EPHB2: variants seen among roughly 807,000 people sequenced by gnomAD.
EPHB2 encodes EPH receptor B2.
Under a neutral mutation model 96.4 loss-of-function variants are expected in EPHB2, and 18 were observed. The observed-to-expected ratio is 0.19, with a 90% CI of 0.13 to 0.28. The LOEUF (loss-of-function observed/expected upper bound fraction) is 0.28, where lower values mean the gene tolerates loss of function less well. Ranked by LOEUF, EPHB2 falls within the 10% of genes least tolerant of loss-of-function variation. The probability of loss-of-function intolerance (pLI) is 1.00; values close to 1 mark genes in which losing one functional copy is unlikely to be tolerated. For missense variants in EPHB2, 989 were observed against 1,355.4 expected, an observed-to-expected ratio of 0.73 and a Z score of 4.25; for synonymous variants, 506 against 534.1, an observed-to-expected ratio of 0.95 and a Z score of 0.72.
At chr1:22,737,765 CT>C (rs1643862678) in intron 1 of EPHB2, among the ~76,000 whole-genome samples, 1 of 152,164 alleles carries the variant, frequency 6.6e-6, no homozygotes, top group Admixed American at 6.5e-5. Context: ...CCAACAGGCT[CT>C]TGGGTTGATG....
chr1:22,774,459 T>G, intron 1 of EPHB2: 4 of 562,038 alleles, frequency 7.1e-6, no homozygotes, highest in Non-Finnish European at 9.0e-6. Flanking sequence ...GAAGGAGGCT[T>G]TGAGCTCAGT....
At chr1:22,783,649 G>A (rs745328302) in intron 2 of EPHB2, among the ~76,000 whole-genome samples, 2 of 152,176 alleles carry the variant, frequency 1.3e-5, no homozygotes, top group Non-Finnish European at 2.9e-5. Context: ...GAGATAACCC[G>A]GGCCCTAGGC....
chr1:22,824,340 C>T (rs1008031499), intron 3 of EPHB2, among the ~76,000 whole-genome samples: 4 of 152,126 alleles, frequency 2.6e-5, no homozygotes, highest in African/African-American at 9.6e-5. Context: ...AGAAGAAAGG[C>T]CTCCATCCAA....
chr1:22,913,983 C>A lies in EPHB2; in HGVS notation c.*413C>A, dbSNP rs1640198483. The A allele has an allele frequency of 1.4e-6, 2 of 1,389,196 alleles. No individual in the cohort carries two copies. The highest frequency in any genetic ancestry group is 1.9e-6 in the Non-Finnish European group (2 of 1,044,566). 86.1% of individuals were successfully genotyped at this position (1,389,196 alleles called of 1,614,324 possible). On this transcript the variant is annotated 3_prime_UTR_variant, in exon 16 of 16. Coordinates refer to ENST00000374630, the MANE Select transcript of EPHB2 (RefSeq NM_017449.5). This position sits in a 1 kb window ranked among gnomAD's most constrained non-coding sequence, Gnocchi z 4.1. ...GAGCCAAGAAACACTTTCAGAAAAA[C>A]AAATGTGAAGGGGAGAGACAGGGGC... is the stretch of plus-strand genomic sequence containing the variant.
chr1:22,718,478 C>T (rs1307496399), intron 1 of EPHB2, among the ~76,000 whole-genome samples: 10 of 150,934 alleles, frequency 6.6e-5, no homozygotes, highest in East Asian at 3.9e-4. Context: ...CTCTGCCTCC[C>T]GGGTTCAAGA....
chr1:22,880,367 A>G (rs1638996900), intron 5 of EPHB2, among the ~76,000 whole-genome samples: 1 of 152,224 alleles, frequency 6.6e-6, no homozygotes, highest in Non-Finnish European at 1.5e-5. Flanking sequence ...ACTTGGGGCT[A>G]GGAGAAGTGT....
chr1:22,862,060 A>G (rs1638276398), intron 3 of EPHB2, among the ~76,000 whole-genome samples: 1 of 152,246 alleles, frequency 6.6e-6, no homozygotes, highest in Admixed American at 6.5e-5. Context: ...AGCAGGCTGA[A>G]GCTGGGAGAG....
chr1:22,788,780 G>T (rs1166801557), intron 3 of EPHB2, among the ~76,000 whole-genome samples: 2 of 147,800 alleles, frequency 1.4e-5, no homozygotes, highest in Non-Finnish European at 1.5e-5. Context: ...TTTGTGACAG[G>T]GTCTCACTTT....
At chr1:22,763,079 G>A (rs535297142) in intron 1 of EPHB2, among the ~76,000 whole-genome samples, 30 of 152,250 alleles carry the variant, frequency 2.0e-4, no homozygotes, top group Admixed American at 5.9e-4. Flanking sequence ...CTAGGCCCAC[G>A]CAGGGGTTCC....
intron 1 of EPHB2, among the ~76,000 whole-genome samples, chr1:22,741,690 A>AAAAAAAAAAC (rs1287637661): frequency 7.5e-6 from 1 of 133,610 alleles, no homozygotes; most frequent in African/African-American, 3.1e-5. Flanking sequence ...AAAAAAAAAC[A>AAAAAAAAAAC]AAAAAACAAA....
chr1:22,909,758 A>C (rs1005498796), intron 13 of EPHB2, among the ~76,000 whole-genome samples: 19 of 152,174 alleles, frequency 1.2e-4, no homozygotes, highest in Non-Finnish European at 2.5e-4. Flanking sequence ...TGAAGACAGG[A>C]AGGACTCGAA....
chr1:22,834,462 T>C (rs555689553), intron 3 of EPHB2, among the ~76,000 whole-genome samples: 59 of 152,284 alleles, frequency 3.9e-4, no homozygotes, highest in African/African-American at 1.3e-3. Flanking sequence ...ACATGTCAAT[T>C]TGGGGACAGC....
At chr1:22,808,906 G>A (rs755782753) in intron 3 of EPHB2, among the ~76,000 whole-genome samples, 15 of 152,328 alleles carry the variant, frequency 9.8e-5, no homozygotes, top group South Asian at 2.1e-4. Context: ...GTCCTCCATC[G>A]TCATGGGACC....
chr1:22,808,517 G>T (rs1474964485), intron 3 of EPHB2, among the ~76,000 whole-genome samples: 3 of 152,230 alleles, frequency 2.0e-5, no homozygotes, highest in Non-Finnish European at 2.9e-5. Context: ...CAACTCCTGG[G>T]AGCTGGTGAG....
intron 1 of EPHB2, among the ~76,000 whole-genome samples, chr1:22,713,969 A>G (rs1643227679): frequency 1.3e-5 from 2 of 152,218 alleles, no homozygotes; most frequent in Admixed American, 1.3e-4. Flanking sequence ...GCACTGGGGA[A>G]ACGTCCAACA....
chr1:22,766,272 G>A (rs1371921666), intron 1 of EPHB2, among the ~76,000 whole-genome samples: 1 of 152,166 alleles, frequency 6.6e-6, no homozygotes, highest in Non-Finnish European at 1.5e-5. Flanking sequence ...GTGAAATGGG[G>A]ACCACATGGC....
intron 5 of EPHB2, among the ~76,000 whole-genome samples, chr1:22,877,109 T>TCGGAGGTC (rs1201216346): frequency 6.6e-6 from 1 of 152,114 alleles, no homozygotes; most frequent in African/African-American, 2.4e-5. Context: ...TCAGGGGCCC[T>TCGGAGGTC]CGGAGGTCCG....
chr1:22,780,079 G>A (rs371776812), intron 1 of EPHB2, among the ~76,000 whole-genome samples: 2 of 152,224 alleles, frequency 1.3e-5, no homozygotes, highest in Non-Finnish European at 2.9e-5. Flanking sequence ...CCAGTGCAGC[G>A]CCTGGTACAT....
intron 1 of EPHB2, chr1:22,774,474 G>A (rs576861607): frequency 1.8e-5 from 13 of 729,654 alleles, no homozygotes; most frequent in Middle Eastern, 6.7e-4. Context: ...CTCAGTTTTG[G>A]AAGAGAAGTT....
Sources: gnomAD v4.1 joint callset for allele counts (sites outside exome capture counted in the v4.1 genomes callset) on GRCh38, gnomAD v4.1.1 for gene constraint, Gnocchi (gnomAD v3.1) non-coding constraint, MANE v1.5 for transcripts, NCBI Gene and HGNC (gene_info 2026-07-23, HGNC 2026-07-21) for gene names.